VWF: variants seen among roughly 807,000 people sequenced by gnomAD.
The protein encoded by VWF is von Willebrand factor, also known as Factor VIII related antigen.
A neutral mutation model predicts 308.6 loss-of-function variants in VWF; 176 were observed. That is an observed-to-expected ratio of 0.57 (90% CI 0.50 to 0.65). The LOEUF (loss-of-function observed/expected upper bound fraction) is 0.65, where lower values mean the gene tolerates loss of function less well. Ranked by LOEUF, VWF falls within the 30% of genes least tolerant of loss-of-function variation. VWF has a pLI of 0.00. For synonymous variants in VWF, 1,385 were observed against 1,443.4 expected, an observed-to-expected ratio of 0.96 and a Z score of 0.92; for missense variants, 3,146 against 3,648.2, an observed-to-expected ratio of 0.86 and a Z score of 3.55.
At chr12:6,016,289 T>C (rs1944056474) in intron 30 of VWF, 57 bp from the exon 31 acceptor site, 5 of 1,612,668 alleles carry the variant, frequency 3.1e-6, no homozygotes, top group Non-Finnish European at 4.2e-6. Context: ...CGACACCCTG[T>C]CTTAACGGTG....
chr12:6,031,722 G>C (rs569303699), intron 20 of VWF, 144 bp from the exon 21 acceptor site: 1 of 1,320,118 alleles, frequency 7.6e-7, no homozygotes, highest in South Asian at 1.2e-5. Flanking sequence ...GTGCCTCTGT[G>C]TGTGTCTGGG....
intron 31 of VWF, among the ~76,000 whole-genome samples, chr12:6,015,683 C>T (rs938604033): frequency 6.6e-6 from 1 of 152,060 alleles, no homozygotes; most frequent in African/African-American, 2.4e-5. Flanking sequence ...TTACCTGGTA[C>T]CAGGAAAGGA....
rs775320140 is a variant in VWF, at chr12:6,026,029, C to T, written c.2985G>A (p.Leu995=). 1 of 1,613,994 alleles carries T rather than the reference C, an allele frequency of 6.2e-7. No individual in the cohort carries two copies. Residue 995 remains leucine, a synonymous_variant, in exon 23 of 52, where the codon CTG becomes CTA. Coordinates refer to ENST00000261405, the MANE Select transcript of VWF (RefSeq NM_000552.5). ...TCTGGATGCCATCAAAATTCCCACA[C>T]AGGCCACACACTTTCTCCTTGAGAG... ...KQTYQEKVCG[L]CGNFDGIQNN... is the part of the protein sequence containing the mutation.
chr12:6,035,180 T>C (rs1256828855), intron 19 of VWF, among the ~76,000 whole-genome samples: 1 of 152,150 alleles, frequency 6.6e-6, no homozygotes, highest in African/African-American at 2.4e-5. Flanking sequence ...TACCTGAGAT[T>C]GGCCACAGGG....
intron 34 of VWF, among the ~76,000 whole-genome samples, chr12:6,007,518 G>T (rs1034619266): frequency 2.6e-5 from 4 of 152,128 alleles, no homozygotes; most frequent in Non-Finnish European, 4.4e-5. Context: ...AAAATATTTT[G>T]AGAAAAACAA....
At chr12:5,988,594 C>T (rs769536126) in intron 38 of VWF, among the ~76,000 whole-genome samples, 10 of 152,202 alleles carry the variant, frequency 6.6e-5, no homozygotes, top group Non-Finnish European at 1.3e-4. Context: ...TGTCCAACCT[C>T]CTCCGCTGGG....
In VWF at chr12:6,075,732, C is replaced by T. The variant is rs746104764; in HGVS notation, c.658-181G>A. 7.9e-5 allele frequency among the ~76,000 whole-genome samples: 12 copies of T among 152,216 alleles called. No homozygotes were observed. The highest frequency in any genetic ancestry group is 1.0e-4 in the Non-Finnish European group (7 of 68,028). ...TCGACCAAGGAAAAGATGCTGGACCCGTGCAATGTGAAGTAGACCAAGGCT... is the reference window on the plus strand; with the variant it reads ...TCGACCAAGGAAAAGATGCTGGACCTGTGCAATGTGAAGTAGACCAAGGCT... On this transcript the variant is annotated intron_variant, in intron 6 of 51. Transcript: ENST00000261405. This position sits in a 1 kb window ranked among gnomAD's most constrained non-coding sequence, Gnocchi z 4.7.
chr12:6,012,948 G>A (rs548742766), intron 32 of VWF, among the ~76,000 whole-genome samples: 14 of 152,144 alleles, frequency 9.2e-5, no homozygotes, highest in East Asian at 5.8e-4. Flanking sequence ...TGATCCGCCC[G>A]CCTCGGCCTC....
At chr12:5,983,280 A>C in intron 40 of VWF, 26 bp from the exon 41 acceptor site, 1 of 1,609,474 alleles carries the variant, frequency 6.2e-7, no homozygotes, top group Non-Finnish European at 8.5e-7. Flanking sequence ...AGAGACGTCC[A>C]TGCAGAGTTC....
At chr12:5,953,915 G>T in intron 47 of VWF, 1 of 273,250 alleles carries the variant, frequency 3.7e-6, no homozygotes, top group Non-Finnish European at 7.0e-6. Context: ...GCATCCAAAA[G>T]GAAATTTGAT....
intron 50 of VWF, among the ~76,000 whole-genome samples, chr12:5,950,199 A>G (rs1943169294): frequency 6.6e-6 from 1 of 152,224 alleles, no homozygotes; most frequent in Admixed American, 6.5e-5. Context: ...TCTAAAAACC[A>G]CATGGCTAAA....
chr12:5,989,594 A>T (rs1442349249), intron 38 of VWF, among the ~76,000 whole-genome samples: 2 of 152,220 alleles, frequency 1.3e-5, no homozygotes, highest in Non-Finnish European at 2.9e-5. Flanking sequence ...TTCTACATCC[A>T]AAATATTTGG....
intron 18 of VWF, among the ~76,000 whole-genome samples, chr12:6,043,303 T>A (rs1944412967): frequency 6.6e-6 from 1 of 152,184 alleles, no homozygotes; most frequent in South Asian, 2.1e-4. Flanking sequence ...ACACTGGTAA[T>A]TGAGTCCACA....
Position 6,056,959 on chromosome 12 carries a change from A to G in VWF, c.1843T>C (p.Cys615Arg), listed in dbSNP as rs1198498097. ...LRNCRYDVCS[C>R]SDGRECLCGA... ...CACAGGCACTCGCGGCCGTCCGAGC[A>G]GGAGCACACGTCGTAGCGGCAGTTC... The change falls in exon 15 of 52, where the codon TGC becomes CGC. Residue 615 changes from cysteine (C) to arginine (R), a missense_variant. Physicochemically the swap from Cys to Arg is radical, Grantham distance 180 (BLOSUM62 -3). Transcript: ENST00000261405. 1 of 1,539,924 alleles carries G rather than the reference A, an allele frequency of 6.5e-7. No individual in the cohort carries two copies. Among genetic ancestry groups the G allele is most frequent in the Non-Finnish European group, 8.7e-7 (1 of 1,147,640 alleles).
At position 6,056,678 on chromosome 12, in the gene VWF, T is replaced by C. The variant is rs1263948850; in HGVS notation, c.1945+179A>G. 2.0e-5 allele frequency among the ~76,000 whole-genome samples: 3 copies of C among 152,264 alleles called. No individual in the cohort carries two copies. The East Asian group carries it at 5.8e-4, about 29-fold the overall frequency. Reference sequence around the variant, plus strand: ...ATCATCAGCCGGTCCCCACCGCCTGTCCTGCTGGGAGGTGGAAGGGAAAAG... The same window carrying C: ...ATCATCAGCCGGTCCCCACCGCCTGCCCTGCTGGGAGGTGGAAGGGAAAAG... On this transcript the variant is annotated intron_variant, in intron 15 of 51. Transcript: ENST00000261405.
At chr12:6,110,771 TC>T in intron 4 of VWF, 94 bp downstream of exon 4, 1 of 1,428,566 alleles carries the variant, frequency 7.0e-7, no homozygotes, top group African/African-American at 1.4e-5. Context: ...AACATTTGCT[TC>T]CATTCTCTGG....
rs999126304 is a variant in VWF, at chr12:6,058,831, G to A, written c.1534-787C>T. On this transcript the variant is annotated intron_variant, in intron 13 of 51. Coordinates refer to ENST00000261405, the MANE Select transcript of VWF (RefSeq NM_000552.5). The surrounding 1 kb of genome is among the most constrained non-coding windows in gnomAD (Gnocchi z 4.9). ...AGTTCTGAGCCCAAAGTGCACATTC[G>A]GGAACAACCAGCAGAGTGGAGCCCG... 2.0e-5 allele frequency among the ~76,000 whole-genome samples: 3 copies of A among 152,112 alleles called. No individual in the cohort carries two copies. The South Asian group carries it at 6.2e-4, about 32-fold the overall frequency.
intron 40 of VWF, among the ~76,000 whole-genome samples, chr12:5,984,598 G>T (rs549596263): frequency 2.0e-5 from 3 of 152,214 alleles, no homozygotes; most frequent in Non-Finnish European, 4.4e-5. Flanking sequence ...TGAATTCACG[G>T]ACTTATACCA....
chr12:5,977,165 T>C (rs137874276), intron 42 of VWF, among the ~76,000 whole-genome samples: 1 of 152,352 alleles, frequency 6.6e-6, no homozygotes, highest in African/African-American at 2.4e-5. Context: ...TGGAGAAGAA[T>C]TGTTTAGCAA....
Sources: allele counts gnomAD v4.1 joint callset (sites outside exome capture counted in the v4.1 genomes callset), GRCh38; gene constraint gnomAD v4.1.1; non-coding constraint Gnocchi (gnomAD v3.1); transcripts MANE v1.5; gene names NCBI Gene and HGNC (gene_info 2026-07-23, HGNC 2026-07-21).